SGCD: variants seen among roughly 807,000 people sequenced by gnomAD.
SGCD encodes sarcoglycan delta.
In SGCD, 18 loss-of-function variants were observed where a neutral mutation model predicts 36.6. The ratio of observed to expected loss-of-function variants is 0.49; its 90% CI spans 0.34 to 0.73. SGCD has a LOEUF of 0.73. Among genes scored for constraint, SGCD ranks in the 30% least tolerant of loss-of-function variants. The pLI is 0.01. For missense variants in SGCD, 387 were observed against 346.7 expected (o/e 1.12, Z -0.92); for synonymous variants, 133 against 130.6 (o/e 1.02, Z -0.12).
At chr5:155,852,495 A>G in the SGCD span, among the ~76,000 whole-genome samples, 2 of 152,122 alleles carry the variant, frequency 1.3e-5, no homozygotes, top group African/African-American at 4.8e-5. Context: ...TTTTATAATT[A>G]TTTCTCTATG....
chr5:156,272,013 A>C (rs541160837), intron 3 of SGCD, among the ~76,000 whole-genome samples: 5 of 152,202 alleles, frequency 3.3e-5, no homozygotes, highest in African/African-American at 7.2e-5. Context: ...TATTTTTATA[A>C]TTTTTATTTT....
chr5:155,984,481 A>G (rs1758290571), intron 1 of SGCD, among the ~76,000 whole-genome samples: 1 of 152,232 alleles, frequency 6.6e-6, no homozygotes, highest in Non-Finnish European at 1.5e-5. Flanking sequence ...ATAATCATTA[A>G]TCAATAAATA....
intron 6 of SGCD, among the ~76,000 whole-genome samples, chr5:156,610,664 T>C (rs12522987): frequency 0.32 from 48,356 of 152,196 alleles, 8,598 homozygotes; most frequent in African/African-American, 0.49. Flanking sequence ...GGCAGGCAGG[T>C]CTCCTTGAGC....
intron 7 of SGCD, among the ~76,000 whole-genome samples, chr5:156,755,092 G>A (rs1757287785): frequency 6.6e-6 from 1 of 152,188 alleles, no homozygotes; most frequent in Non-Finnish European, 1.5e-5. Context: ...GCTCACATTT[G>A]AGAATGCTTC....
At chr5:156,418,066 A>C (rs1295133547) in intron 3 of SGCD, among the ~76,000 whole-genome samples, 2 of 150,162 alleles carry the variant, frequency 1.3e-5, no homozygotes, top group African/African-American at 4.9e-5. Flanking sequence ...TGTAGATCTC[A>C]GAAACCACCC....
intron 1 of SGCD, among the ~76,000 whole-genome samples, chr5:156,069,920 G>T (rs1173841482): frequency 6.6e-6 from 1 of 151,958 alleles, no homozygotes; most frequent in Admixed American, 6.5e-5. Context: ...CTCATGATTT[G>T]GCTCTCTGTT....
chr5:156,105,163 A>G (rs1190672370), intron 1 of SGCD, among the ~76,000 whole-genome samples: 1 of 152,216 alleles, frequency 6.6e-6, no homozygotes, highest in African/African-American at 2.4e-5. Context: ...AAAATAAAAC[A>G]AATGTTAGTT....
intron 1 of SGCD, among the ~76,000 whole-genome samples, chr5:156,109,865 G>A (rs1581104207): frequency 6.6e-6 from 1 of 152,232 alleles, no homozygotes; most frequent in East Asian, 1.9e-4. Flanking sequence ...GAACTCCATA[G>A]GTATTTGCCA....
chr5:156,227,631 T>G (rs1328692586), intron 3 of SGCD, among the ~76,000 whole-genome samples: 2 of 152,114 alleles, frequency 1.3e-5, no homozygotes, highest in Non-Finnish European at 2.9e-5. Context: ...TTTTTTCGAA[T>G]TCTGTGAAGA....
chr5:156,422,809 A>G (rs773529163), intron 3 of SGCD, among the ~76,000 whole-genome samples: 29 of 151,994 alleles, frequency 1.9e-4, no homozygotes, highest in Admixed American at 2.0e-4. Context: ...GTCTTCAGAC[A>G]TTGCTCTATG....
intron 3 of SGCD, among the ~76,000 whole-genome samples, chr5:156,415,425 A>G (rs777194171): frequency 1.5e-4 from 23 of 152,188 alleles, no homozygotes; most frequent in Non-Finnish European, 3.1e-4. Context: ...CCTGATGGCA[A>G]TGTTGAAGAT....
At chr5:156,743,882 G>A (rs1756817035) in intron 7 of SGCD, among the ~76,000 whole-genome samples, 1 of 152,300 alleles carries the variant, frequency 6.6e-6, no homozygotes, top group South Asian at 2.1e-4. Flanking sequence ...CTTAAAAGTA[G>A]AACTTATATA....
chr5:156,303,780 T>C (rs1767124635), intron 3 of SGCD, among the ~76,000 whole-genome samples: 1 of 151,782 alleles, frequency 6.6e-6, no homozygotes, highest in Non-Finnish European at 1.5e-5. Flanking sequence ...AATGGGGGCC[T>C]CTGGATTCCA....
rs188482442 is a variant in SGCD, at chr5:155,924,666, G to T, written c.-282+54242G>T. On this transcript the variant is annotated intron_variant, in intron 1 of 9. Coordinates refer to the SGCD transcript ENST00000517913. ...TGCTCTGTGCTAATTGAGAATCGGA[G>T]AATATGCCCTTCTGCTTTTGGGATC... 1.0e-3 allele frequency among the ~76,000 whole-genome samples: 158 copies of T among 152,328 alleles called. 1 individual carries two copies. Among genetic ancestry groups the T allele is most frequent in the African/African-American group, 3.7e-3 (153 of 41,572 alleles).
chr5:156,463,730 C>A (rs201677649), intron 3 of SGCD, among the ~76,000 whole-genome samples: 1 of 152,074 alleles, frequency 6.6e-6, no homozygotes, highest in Non-Finnish European at 1.5e-5. Flanking sequence ...TGCGGTGGTG[C>A]GTGCTAGTAA....
intron 7 of SGCD, among the ~76,000 whole-genome samples, chr5:156,749,757 T>C (rs1757081842): frequency 6.6e-6 from 1 of 152,100 alleles, no homozygotes; most frequent in Non-Finnish European, 1.5e-5. Context: ...ACAAAACCTC[T>C]ATGAGGCTGT....
the SGCD span, among the ~76,000 whole-genome samples, chr5:155,863,204 G>A: frequency 1.3e-5 from 2 of 152,182 alleles, no homozygotes; most frequent in Admixed American, 6.5e-5. Context: ...TCCAGATACA[G>A]AGCTGTTGAA....
rs138829688 is a variant in SGCD, at chr5:156,269,162, C to T, written c.-43-60372C>T. 2.1e-3 allele frequency among the ~76,000 whole-genome samples: 325 copies of T among 151,956 alleles called. 2 individuals carry two copies. Among genetic ancestry groups the T allele is most frequent in the African/African-American group, 7.5e-3 (312 of 41,472 alleles). On this transcript the variant is annotated intron_variant, in intron 3 of 9. Coordinates refer to the SGCD transcript ENST00000517913. ...AATGAAGAGGAAGCAAAAGCTGAAA[C>T]CCCTGAAAAACCCATCAGATCTCTA...
At chr5:156,621,578 G>A (rs1208649236) in intron 6 of SGCD, among the ~76,000 whole-genome samples, 1 of 152,198 alleles carries the variant, frequency 6.6e-6, no homozygotes, top group Non-Finnish European at 1.5e-5. Flanking sequence ...CATAAAATTA[G>A]GAGATTAGTT....
Sources: allele counts gnomAD v4.1 joint callset (sites outside exome capture counted in the v4.1 genomes callset), GRCh38; gene constraint gnomAD v4.1.1; transcripts MANE v1.5; gene names NCBI Gene and HGNC (gene_info 2026-07-23, HGNC 2026-07-21).